The following CUX1 variants were observed in gnomAD, a reference collection of about 807,000 sequenced individuals.
CUX1 encodes protein CASP.
In CUX1, 31 loss-of-function variants were observed where a neutral mutation model predicts 158.8. That is an observed-to-expected ratio of 0.20 (90% confidence interval 0.15 to 0.26). The LOEUF is 0.26. CUX1 is among the 10% of genes least tolerant of loss of function. The pLI, the probability that CUX1 is intolerant of heterozygous loss-of-function variation, is 1.00. For synonymous variants in CUX1, 879 were observed against 862.1 expected, an observed-to-expected ratio of 1.02 and a Z score of -0.34; for missense variants, 1,589 against 2,014.6, an observed-to-expected ratio of 0.79 and a Z score of 4.04.
At chr7:101,840,903 T>TTA (rs1416172514) in intron 1 of CUX1, among the ~76,000 whole-genome samples, 2 of 102,134 alleles carry the variant, frequency 2.0e-5, no homozygotes, top group South Asian at 2.5e-4. Flanking sequence ...ATTATTATTA[T>TTA]TTTTTTTTGA....
At position 102,248,437 on chromosome 7, in the gene CUX1, A is replaced by T; in HGVS notation, c.3913A>T (p.Ile1305Phe). The T allele has an allele frequency of 6.3e-7, 1 of 1,598,576 alleles. No homozygotes were observed. Among genetic ancestry groups the T allele is most frequent in the Non-Finnish European group, 8.5e-7 (1 of 1,176,160 alleles). Residue 1305 changes from isoleucine to phenylalanine, a missense_variant, in exon 24 of 24, where the codon ATT becomes TTT. Physicochemically the swap from Ile to Phe is conservative, Grantham distance 21. Around this residue, in one of 8 missense-constraint regions of CUX1, gnomAD observed 344 missense variants for 323.7 expected, o/e 1.06. Transcript: ENST00000292535. This position sits in a 1 kb window ranked among gnomAD's most constrained non-coding sequence, Gnocchi z 5.8. ...GTCTCGGATCCGCAGAGAACTGTTC[A>T]TTGAGGAAATTCAGGCCGGGAGTCA... ...YRSRIRRELF[I>F]EEIQAGSQGQ... is the part of the protein sequence containing the mutation.
Position 102,252,450 on chromosome 7 carries a change from A to G in CUX1, c.*3408A>G, listed in dbSNP as rs1362091215. The G allele has an allele frequency of 3.0e-6, 3 of 985,340 alleles. No individual in the cohort carries two copies. The highest frequency in any genetic ancestry group is 2.4e-6 in the Non-Finnish European group (2 of 829,960). The allele number at this position is 985,340 out of a possible 1,614,324, so 61.0% of individuals were successfully genotyped here. On this transcript the variant is annotated 3_prime_UTR_variant, in exon 24 of 24. Transcript: ENST00000292535. ...GATTTGTACCTCTCCCCTGGGGGAA[A>G]CGGTTCCATATAAAACACTAACACT...
chr7:102,282,638 C>A, intron 21 of CUX1: 1 of 1,522,302 alleles, frequency 6.6e-7, no homozygotes, highest in Non-Finnish European at 9.0e-7. Flanking sequence ...CCAGGCCAGG[C>A]CCAGGGGCCA....
Position 102,198,797 on chromosome 7 carries a change from A to C in CUX1, c.1895-5A>C. ...TTTGTTCTTACCACACTTGTTTTTC[A>C]ACAGAGAATCCAGGCCAGAGCCTGA... On this transcript the variant is annotated splice_polypyrimidine_tract_variant and splice_region_variant and intron_variant, in intron 15 of 23. Transcript: ENST00000292535. 2 of 1,613,958 alleles carry C rather than the reference A, an allele frequency of 1.2e-6. No individual in the cohort carries two copies. Among genetic ancestry groups the C allele is most frequent in the Middle Eastern group, 3.3e-4 (2 of 6,062 alleles).
intron 2 of CUX1, among the ~76,000 whole-genome samples, chr7:101,973,770 C>CTTTTTTT (rs546846196): frequency 5.1e-5 from 7 of 137,368 alleles, no homozygotes; most frequent in African/African-American, 1.1e-4. Flanking sequence ...TTTTCTTTTT[C>CTTTTTTT]TTTTTTTTTT....
chr7:101,959,881 A>C (rs1237937001), intron 2 of CUX1, among the ~76,000 whole-genome samples: 1 of 152,082 alleles, frequency 6.6e-6, no homozygotes, highest in African/African-American at 2.4e-5. Context: ...TTGACTCTTT[A>C]TAGGGTAATA....
chr7:101,909,062 G>A (rs564566001), intron 1 of CUX1, among the ~76,000 whole-genome samples: 17 of 151,478 alleles, frequency 1.1e-4, no homozygotes, highest in East Asian at 2.0e-4. Flanking sequence ...TTGGGAGGCC[G>A]AGACAAGAGG....
At chr7:101,885,570 A>G (rs1326621797) in intron 1 of CUX1, among the ~76,000 whole-genome samples, 1 of 152,130 alleles carries the variant, frequency 6.6e-6, no homozygotes, top group African/African-American at 2.4e-5. Context: ...AAAAATAAAA[A>G]ATAAAGATGG....
intron 2 of CUX1, among the ~76,000 whole-genome samples, chr7:102,022,425 C>T (rs1819482742): frequency 6.6e-6 from 1 of 151,988 alleles, no homozygotes. Flanking sequence ...TGAAATCAGC[C>T]TGGGCAACAT....
intron 2 of CUX1, among the ~76,000 whole-genome samples, chr7:102,003,438 G>T (rs189729033): frequency 6.6e-6 from 1 of 152,232 alleles, no homozygotes; most frequent in East Asian, 1.9e-4. Flanking sequence ...CTGCTCAGAA[G>T]GTGACCAGAG....
intron 11 of CUX1, among the ~76,000 whole-genome samples, chr7:102,182,863 A>G (rs1554514414): frequency 6.6e-6 from 1 of 152,246 alleles, no homozygotes; most frequent in Admixed American, 6.5e-5. Context: ...ATAGATATTT[A>G]TAAGAAAGGC....
chr7:101,934,322 A>G (rs766842933), intron 2 of CUX1, among the ~76,000 whole-genome samples: 6 of 152,196 alleles, frequency 3.9e-5, no homozygotes, highest in Non-Finnish European at 7.3e-5. Context: ...TCGATGTTTT[A>G]AAAAGTTGCC....
chr7:102,256,886 C>T lies in CUX1; in HGVS notation c.*7844C>T, dbSNP rs1191601317. 10 of 985,466 alleles carry T rather than the reference C, an allele frequency of 1.0e-5. No homozygotes were observed. Among genetic ancestry groups the T allele is most frequent in the African/African-American group, 1.7e-5 (1 of 57,360 alleles). 61.0% of individuals were successfully genotyped at this position (985,466 alleles called of 1,614,324 possible). The stretch of plus-strand genomic sequence containing the variant: ...TGGTTTTTTGTTGTTGTTTTTCTTG[C>T]GTACAAAGTTGGTCAAAACCATCTT... On this transcript the variant is annotated 3_prime_UTR_variant, in exon 24 of 24. Transcript: ENST00000292535.
intron 1 of CUX1, among the ~76,000 whole-genome samples, chr7:101,857,172 G>C (rs1004534245): frequency 6.6e-6 from 1 of 152,196 alleles, no homozygotes; most frequent in African/African-American, 2.4e-5. Context: ...CGTGGGTCCT[G>C]ATGTCCTCCC....
chr7:102,269,303 A>G (rs1027081762), intron 14 of CUX1, among the ~76,000 whole-genome samples: 38 of 152,128 alleles, frequency 2.5e-4, no homozygotes, highest in Admixed American at 1.3e-4. Flanking sequence ...AGATGTGGAC[A>G]GGGATGAATA....
rs554295469 is a variant in CUX1, at chr7:101,866,355, C to G, written c.30+48686C>G. Among the ~76,000 whole-genome samples the G allele has an allele frequency of 2.0e-5, 3 of 152,118 alleles. No individual in the cohort carries two copies. The South Asian group carries it at 6.2e-4, about 32-fold the overall frequency. On this transcript the variant is annotated intron_variant, in intron 1 of 23. Coordinates refer to ENST00000292535, the MANE Select transcript of CUX1 (RefSeq NM_181552.4). The stretch of plus-strand genomic sequence containing the variant: ...GTGTGGTAGTGCACGCCTGTATTTC[C>G]AGCTACTTGGGAGGCTGAGGAACTA...
At chr7:102,186,461 G>A (rs190391415) in intron 11 of CUX1, among the ~76,000 whole-genome samples, 23 of 152,144 alleles carry the variant, frequency 1.5e-4, no homozygotes, top group African/African-American at 5.3e-4. Context: ...CAAAACTCAC[G>A]GCCAACTAAA....
chr7:101,960,182 G>C (rs573166608), intron 2 of CUX1: 4 of 152,280 alleles, frequency 2.6e-5, no homozygotes, highest in Non-Finnish European at 5.9e-5. Context: ...TGTCGTTTTA[G>C]CTTTTGCAGC....
intron 2 of CUX1, among the ~76,000 whole-genome samples, chr7:102,006,882 C>T (rs1817436931): frequency 6.6e-6 from 1 of 152,366 alleles, no homozygotes; most frequent in Non-Finnish European, 1.5e-5. Flanking sequence ...AAGCCGTCCC[C>T]GCCCACCACG....
Sources: allele counts gnomAD v4.1 joint callset (sites outside exome capture counted in the v4.1 genomes callset), GRCh38; gene constraint gnomAD v4.1.1; regional missense constraint gnomAD v4.1.1; non-coding constraint Gnocchi (gnomAD v3.1); transcripts MANE v1.5; gene names NCBI Gene and HGNC (gene_info 2026-07-23, HGNC 2026-07-21).